The following SGCD variants were observed in gnomAD, a reference collection of about 807,000 sequenced individuals.
SGCD encodes sarcoglycan delta.
Under a neutral mutation model 36.6 loss-of-function variants are expected in SGCD, and 18 were observed. That is an observed-to-expected ratio of 0.49 (90% CI 0.34 to 0.73). The LOEUF is 0.73. SGCD is among the 30% of genes least tolerant of loss of function. The pLI, the probability that SGCD is intolerant of heterozygous loss-of-function variation, is 0.01. For missense variants in SGCD, 387 were observed against 346.7 expected, an observed-to-expected ratio of 1.12 and a Z score of -0.92; for synonymous variants, 133 against 130.6, an observed-to-expected ratio of 1.02 and a Z score of -0.12.
At chr5:155,969,999 C>A (rs898912114) in intron 1 of SGCD, among the ~76,000 whole-genome samples, 2 of 151,674 alleles carry the variant, frequency 1.3e-5, no homozygotes, top group African/African-American at 4.8e-5. Context: ...TCTTTGTAAG[C>A]CTTTAGTCAA....
intron 3 of SGCD, among the ~76,000 whole-genome samples, chr5:156,175,288 T>A (rs993599747): frequency 1.3e-5 from 2 of 152,188 alleles, no homozygotes; most frequent in Non-Finnish European, 2.9e-5. Flanking sequence ...TAACTATGCC[T>A]GTCAGTTACT....
At chr5:156,269,064 C>A (rs1355649706) in intron 3 of SGCD, among the ~76,000 whole-genome samples, 1 of 152,064 alleles carries the variant, frequency 6.6e-6, no homozygotes, top group Non-Finnish European at 1.5e-5. Context: ...TTTACAGTTC[C>A]ACATGGCTGG....
intron 1 of SGCD, among the ~76,000 whole-genome samples, chr5:155,913,204 G>A (rs1282624686): frequency 6.6e-6 from 1 of 152,164 alleles, no homozygotes; most frequent in Non-Finnish European, 1.5e-5. Context: ...TGGGAGATGA[G>A]ATGGGTACAG....
At chr5:155,907,606 A>C (rs1756546470) in intron 1 of SGCD, among the ~76,000 whole-genome samples, 1 of 152,118 alleles carries the variant, frequency 6.6e-6, no homozygotes, top group African/African-American at 2.4e-5. Context: ...AGATATCATA[A>C]AAATAGTAAG....
At chr5:156,650,601 T>C (rs2113596938) in intron 7 of SGCD, among the ~76,000 whole-genome samples, 1 of 150,856 alleles carries the variant, frequency 6.6e-6, no homozygotes, top group East Asian at 2.0e-4. Context: ...TTTGGTTTTC[T>C]GTTCCTGTGT....
intron 7 of SGCD, among the ~76,000 whole-genome samples, chr5:156,656,207 T>C (rs1763670307): frequency 6.6e-6 from 1 of 152,150 alleles, no homozygotes; most frequent in African/African-American, 2.4e-5. Context: ...TACATAAAAT[T>C]ATTTAAATAA....
chr5:156,449,180 G>A (rs1753880874), intron 3 of SGCD, among the ~76,000 whole-genome samples: 1 of 152,166 alleles, frequency 6.6e-6, no homozygotes, highest in Non-Finnish European at 1.5e-5. Flanking sequence ...TGTTCTTTAA[G>A]AGATCAGTTC....
intron 1 of SGCD, among the ~76,000 whole-genome samples, chr5:155,914,003 G>A (rs1756687082): frequency 6.6e-6 from 1 of 152,186 alleles, no homozygotes; most frequent in Non-Finnish European, 1.5e-5. Flanking sequence ...AAATGTTACA[G>A]TTAGAATGTT....
In SGCD at chr5:156,348,890, C is replaced by A. The variant is rs1580855441; in HGVS notation, c.192+4213C>A. On this transcript the variant is annotated intron_variant, in intron 3 of 8. Coordinates refer to ENST00000337851, the MANE Select transcript of SGCD (RefSeq NM_000337.6). Reference sequence around the variant, plus strand: ...TAGTAACCAAAACAGCATAATACTGCTATAAAAGTAGACACATTGACCAAT... The same window carrying A: ...TAGTAACCAAAACAGCATAATACTGATATAAAAGTAGACACATTGACCAAT... Among the ~76,000 whole-genome samples, 6 of 151,978 alleles carry A rather than the reference C, an allele frequency of 3.9e-5. 1 individual carries two copies. Among genetic ancestry groups the A allele is most frequent in the Admixed American group, 3.9e-4 (6 of 15,254 alleles).
Position 156,426,006 on chromosome 5 carries a change from C to T in SGCD, c.192+81329C>T, listed in dbSNP as rs545006918. On this transcript the variant is annotated intron_variant, in intron 3 of 8. Transcript: ENST00000337851. ...TTCATATTTTTGCAATTGTGAATTA[C>T]GCTGCTAGAAACATGCATGTGCATG... Among the ~76,000 whole-genome samples the T allele has an allele frequency of 8.5e-5, 13 of 152,094 alleles. No individual in the cohort carries two copies. The South Asian group carries it at 1.5e-3, about 17-fold the overall frequency.
intron 5 of SGCD, among the ~76,000 whole-genome samples, chr5:156,591,591 A>G (rs866044297): frequency 2.0e-5 from 3 of 152,102 alleles, no homozygotes; most frequent in Middle Eastern, 3.2e-3. Context: ...CACCTCCCAG[A>G]CTCATGGAGA....
At chr5:156,532,301 TTGAA>T (rs1757920048) in intron 4 of SGCD, among the ~76,000 whole-genome samples, 1 of 152,142 alleles carries the variant, frequency 6.6e-6, no homozygotes, top group Non-Finnish European at 1.5e-5. Flanking sequence ...GTTGCAGAGA[TTGAA>T]TGAACTACTA....
chr5:156,605,803 T>C (rs1761416368), intron 6 of SGCD, among the ~76,000 whole-genome samples: 1 of 152,272 alleles, frequency 6.6e-6, no homozygotes, highest in Non-Finnish European at 1.5e-5. Context: ...TGGCCAGTGA[T>C]GATGAACATT....
intron 3 of SGCD, among the ~76,000 whole-genome samples, chr5:156,209,997 A>T (rs891979024): frequency 6.6e-6 from 1 of 152,164 alleles, no homozygotes; most frequent in Non-Finnish European, 1.5e-5. Context: ...GGCCACCTCC[A>T]GTATCAGGTC....
intron 4 of SGCD, among the ~76,000 whole-genome samples, chr5:156,522,808 TGTTG>T (rs1298396930): frequency 6.9e-6 from 1 of 144,808 alleles, no homozygotes; most frequent in Non-Finnish European, 1.5e-5. Flanking sequence ...CCTGTGTAAA[TGTTG>T]GTTCTTATTA....
intron 1 of SGCD, among the ~76,000 whole-genome samples, chr5:155,959,059 G>T (rs1364058567): frequency 6.6e-6 from 1 of 151,922 alleles, no homozygotes; most frequent in Non-Finnish European, 1.5e-5. Flanking sequence ...TCCACATTAG[G>T]ACATCAACAA....
rs531732700 is a variant in SGCD, at chr5:156,545,378, G to C, written c.294+36676G>C. Among the ~76,000 whole-genome samples, 10 of 152,146 alleles carry C rather than the reference G, an allele frequency of 6.6e-5. 1 individual carries two copies. Among genetic ancestry groups the C allele is most frequent in the African/African-American group, 2.4e-4 (10 of 41,492 alleles). On this transcript the variant is annotated intron_variant, in intron 4 of 8. Coordinates refer to ENST00000337851, the MANE Select transcript of SGCD (RefSeq NM_000337.6). Reference sequence around the variant, plus strand: ...GGTTGTGAACAAGATGCTAAGCCTCGTAAGGGCTCAGTTTTGTCATCTAGC... The same window carrying C: ...GGTTGTGAACAAGATGCTAAGCCTCCTAAGGGCTCAGTTTTGTCATCTAGC...
intron 6 of SGCD, among the ~76,000 whole-genome samples, chr5:156,622,858 G>A (rs1330706711): frequency 6.6e-6 from 1 of 152,146 alleles, no homozygotes; most frequent in East Asian, 1.9e-4. Flanking sequence ...AACGGTGGGA[G>A]AAGATCAGAG....
chr5:156,245,198 A>G (rs1401561483), intron 3 of SGCD, among the ~76,000 whole-genome samples: 1 of 152,192 alleles, frequency 6.6e-6, no homozygotes, highest in East Asian at 1.9e-4. Context: ...GCTTCCTCAA[A>G]TATCTTCTCA....
Sources: allele counts gnomAD v4.1 joint callset (sites outside exome capture counted in the v4.1 genomes callset), GRCh38; gene constraint gnomAD v4.1.1; transcripts MANE v1.5; gene names NCBI Gene and HGNC (gene_info 2026-07-23, HGNC 2026-07-21).